XKR4: variants seen among roughly 807,000 people sequenced by gnomAD.
XKR4 encodes the protein XK related 4.
A neutral mutation model predicts 53.9 loss-of-function variants in XKR4; 12 were observed. The observed-to-expected ratio is 0.22, with a 90% CI of 0.14 to 0.36. XKR4 has a LOEUF of 0.36. Among genes scored for constraint, XKR4 ranks in the 10% least tolerant of loss-of-function variants. The probability of loss-of-function intolerance (pLI) is 1.00; values close to 1 mark genes in which losing one functional copy is unlikely to be tolerated. For synonymous variants in XKR4, 354 were observed against 362.4 expected, an observed-to-expected ratio of 0.98 and a Z score of 0.26; for missense variants, 799 against 859.5, an observed-to-expected ratio of 0.93 and a Z score of 0.88.
At chr8:55,419,322 T>C (rs760036560) in intron 2 of XKR4, among the ~76,000 whole-genome samples, 20 of 152,064 alleles carry the variant, frequency 1.3e-4, no homozygotes, top group Non-Finnish European at 2.6e-4. Flanking sequence ...GAGGCAGAGA[T>C]TGCAGTGAGC....
At chr8:55,290,848 C>G (rs2129375441) in intron 1 of XKR4, among the ~76,000 whole-genome samples, 1 of 152,174 alleles carries the variant, frequency 6.6e-6, no homozygotes, top group Non-Finnish European at 1.5e-5. Context: ...GACTTTGTCT[C>G]TTTAATGGGG....
At chr8:55,462,746 C>A (rs1328972363) in intron 2 of XKR4, among the ~76,000 whole-genome samples, 1 of 152,104 alleles carries the variant, frequency 6.6e-6, no homozygotes, top group Non-Finnish European at 1.5e-5. Flanking sequence ...CGTGCAGAGA[C>A]ACACATAGGC....
chr8:55,323,635 A>C (rs987000972), intron 1 of XKR4, among the ~76,000 whole-genome samples: 1 of 152,234 alleles, frequency 6.6e-6, no homozygotes, highest in Non-Finnish European at 1.5e-5. Context: ...GGTAATTTTG[A>C]ATAAAAACCT....
chr8:55,435,958 C>T (rs1805171941), intron 2 of XKR4, among the ~76,000 whole-genome samples: 1 of 152,128 alleles, frequency 6.6e-6, no homozygotes, highest in Non-Finnish European at 1.5e-5. Context: ...AAGACACATT[C>T]CCTGCAACAT....
intron 1 of XKR4, among the ~76,000 whole-genome samples, chr8:55,142,949 C>A (rs999079599): frequency 3.9e-5 from 6 of 152,194 alleles, no homozygotes; most frequent in Non-Finnish European, 5.9e-5. Context: ...TTGTGGGTGA[C>A]CATGAGCATG....
At chr8:55,302,439 A>G (rs1467322959) in intron 1 of XKR4, among the ~76,000 whole-genome samples, 1 of 151,404 alleles carries the variant, frequency 6.6e-6, no homozygotes, top group Non-Finnish European at 1.5e-5. Flanking sequence ...TGATGCCTCC[A>G]GCTTTGTTCT....
rs148635204 is a variant in XKR4, at chr8:55,105,304, CA to C, written c.806+2011del. Among the ~76,000 whole-genome samples, 850 of 145,650 alleles carry C rather than the reference CA, an allele frequency of 5.8e-3. 8 individuals are homozygous for C. Among genetic ancestry groups the C allele is most frequent in the African/African-American group, 0.02 (769 of 39,098 alleles). ...GAGCCTAAAAACATGTCAGAGAGAC[CA>C]TAGCCACTGGGCCAACTTATCATAC... On this transcript the variant is annotated intron_variant, in intron 1 of 2. Coordinates refer to ENST00000327381, the MANE Select transcript of XKR4 (RefSeq NM_052898.2).
chr8:55,348,750 A>C (rs1489890315), intron 1 of XKR4, among the ~76,000 whole-genome samples: 1 of 152,034 alleles, frequency 6.6e-6, no homozygotes. Flanking sequence ...TAAAAGAGAC[A>C]GAAAGATACA....
chr8:55,301,368 G>A (rs539827682), intron 1 of XKR4, among the ~76,000 whole-genome samples: 1 of 152,004 alleles, frequency 6.6e-6, no homozygotes, highest in East Asian at 1.9e-4. Flanking sequence ...GTGTATATGT[G>A]CCACATTTTC....
chr8:55,479,695 C>T (rs1036697377), intron 2 of XKR4, among the ~76,000 whole-genome samples: 10 of 151,908 alleles, frequency 6.6e-5, no homozygotes, highest in African/African-American at 2.4e-4. Flanking sequence ...CAAATAGGCG[C>T]AATAAAAATG....
At chr8:55,417,988 G>T (rs1033847752) in intron 2 of XKR4, among the ~76,000 whole-genome samples, 6 of 152,164 alleles carry the variant, frequency 3.9e-5, no homozygotes, top group African/African-American at 1.4e-4. Flanking sequence ...AAGAGACAGC[G>T]ATTTGGGTGC....
chr8:55,303,764 G>A (rs1252906068), intron 1 of XKR4, among the ~76,000 whole-genome samples: 3 of 152,194 alleles, frequency 2.0e-5, no homozygotes, highest in Admixed American at 2.0e-4. Context: ...ATTTCTTCTA[G>A]ATTTTCTAGT....
chr8:55,191,682 ATTCTT>A (rs1197900384), intron 1 of XKR4, among the ~76,000 whole-genome samples: 16 of 136,688 alleles, frequency 1.2e-4, no homozygotes, highest in African/African-American at 3.5e-4. Context: ...TTTTAGTACA[ATTCTT>A]TTTTTTTTTT....
intron 1 of XKR4, among the ~76,000 whole-genome samples, chr8:55,229,007 C>CA (rs1817994178): frequency 6.6e-6 from 1 of 151,976 alleles, no homozygotes; most frequent in African/African-American, 2.4e-5. Flanking sequence ...GAAAAACAAA[C>CA]AAACAAAACA....
At position 55,302,081 on chromosome 8, in the gene XKR4, C is replaced by A. The variant is rs1394555686; in HGVS notation, c.807-55597C>A. 2.0e-5 allele frequency among the ~76,000 whole-genome samples: 3 copies of A among 152,056 alleles called. No individual in the cohort carries two copies. In the East Asian group the frequency reaches 5.8e-4, roughly 29 times the overall value. On this transcript the variant is annotated intron_variant, in intron 1 of 2. Coordinates refer to ENST00000327381, the MANE Select transcript of XKR4 (RefSeq NM_052898.2). Reference sequence around the variant, plus strand: ...ATGAAGTCCTTGCCCATGCCTATGTCCTGAATGGTATTGCCTAGGTTTTCT... The same window carrying A: ...ATGAAGTCCTTGCCCATGCCTATGTACTGAATGGTATTGCCTAGGTTTTCT...
chr8:55,193,119 C>T (rs1359608433), intron 1 of XKR4, among the ~76,000 whole-genome samples: 1 of 151,662 alleles, frequency 6.6e-6, no homozygotes, highest in Non-Finnish European at 1.5e-5. Context: ...TCAATTATAT[C>T]GGACTGGGTT....
At chr8:55,352,158 G>A (rs1041352624) in intron 1 of XKR4, among the ~76,000 whole-genome samples, 2 of 152,178 alleles carry the variant, frequency 1.3e-5, no homozygotes, top group African/African-American at 4.8e-5. Flanking sequence ...GATAATTTGG[G>A]CTCAAACAAT....
At chr8:55,335,473 T>C (rs928762379) in intron 1 of XKR4, among the ~76,000 whole-genome samples, 2 of 152,058 alleles carry the variant, frequency 1.3e-5, no homozygotes, top group African/African-American at 4.8e-5. Context: ...TAATAAAAAA[T>C]GCATGCCAAT....
intron 1 of XKR4, among the ~76,000 whole-genome samples, chr8:55,219,011 C>CTTTTTTTT (rs5891562): frequency 1.4e-5 from 2 of 146,034 alleles, no homozygotes; most frequent in African/African-American, 5.0e-5. Flanking sequence ...TAGAAGCAGT[C>CTTTTTTTT]TTTTTTTTTT....
Sources: allele counts gnomAD v4.1 joint callset (sites outside exome capture counted in the v4.1 genomes callset), GRCh38; gene constraint gnomAD v4.1.1; transcripts MANE v1.5; gene names NCBI Gene and HGNC (gene_info 2026-07-23, HGNC 2026-07-21).